The following SPAG16 variants were observed in gnomAD, a reference collection of about 807,000 sequenced individuals.
SPAG16 encodes the protein sperm associated antigen 16.
SPAG16 carries 86 observed loss-of-function variants against 80.4 expected under a neutral mutation model. The ratio of observed to expected loss-of-function variants is 1.07; its 90% CI spans 0.90 to 1.28. The LOEUF is 1.28. Ranked by LOEUF, SPAG16 falls within the 50% of genes most tolerant of loss-of-function variation. SPAG16 has a pLI of 0.00. For missense variants in SPAG16, 870 were observed against 765.3 expected, an observed-to-expected ratio of 1.14 and a Z score of -1.61; for synonymous variants, 294 against 265.9, an observed-to-expected ratio of 1.11 and a Z score of -1.03.
At chr2:214,378,058 GAC>G (rs1000074555) in intron 15 of SPAG16, among the ~76,000 whole-genome samples, 15 of 152,124 alleles carry the variant, frequency 9.9e-5, no homozygotes, top group African/African-American at 3.6e-4. Context: ...GGGTAGGAGT[GAC>G]ACAGGGCCGT....
intron 10 of SPAG16, among the ~76,000 whole-genome samples, chr2:213,700,447 T>C (rs1180862203): frequency 6.6e-6 from 1 of 152,204 alleles, no homozygotes; most frequent in African/African-American, 2.4e-5. Flanking sequence ...TTTTTTGCTG[T>C]AATGATGAAT....
chr2:213,639,613 T>C (rs888587019), intron 10 of SPAG16, among the ~76,000 whole-genome samples: 1 of 152,232 alleles, frequency 6.6e-6, no homozygotes, highest in Non-Finnish European at 1.5e-5. Flanking sequence ...AAATCTGCTG[T>C]AAATCTGATA....
chr2:213,701,616 G>T (rs1047442804), intron 10 of SPAG16, among the ~76,000 whole-genome samples: 1 of 152,180 alleles, frequency 6.6e-6, no homozygotes, highest in East Asian at 1.9e-4. Context: ...GTGCAGGTGC[G>T]TGGCGCGGGA....
At chr2:213,894,154 A>G (rs1039800680) in intron 11 of SPAG16, among the ~76,000 whole-genome samples, 2 of 152,212 alleles carry the variant, frequency 1.3e-5, no homozygotes, top group African/African-American at 4.8e-5. Context: ...AAAAGTGCCC[A>G]CTGTATAATA....
intron 15 of SPAG16, among the ~76,000 whole-genome samples, chr2:214,254,525 C>G (rs944175039): frequency 6.6e-6 from 1 of 152,002 alleles, no homozygotes; most frequent in Non-Finnish European, 1.5e-5. Context: ...GGCTGTATAT[C>G]TTAAAACAAT....
chr2:213,968,364 C>G (rs1448146592), intron 12 of SPAG16, among the ~76,000 whole-genome samples: 3 of 152,044 alleles, frequency 2.0e-5, no homozygotes, highest in Non-Finnish European at 4.4e-5. Flanking sequence ...GCCACCACAC[C>G]TGTATTTTTA....
chr2:213,314,775 A>G (rs1488618388), intron 4 of SPAG16, among the ~76,000 whole-genome samples: 1 of 151,804 alleles, frequency 6.6e-6, no homozygotes, highest in African/African-American at 2.4e-5. Context: ...AAGGTGCTGA[A>G]AACCAATTTT....
intron 10 of SPAG16, among the ~76,000 whole-genome samples, chr2:213,606,886 A>G (rs1262377815): frequency 6.6e-6 from 1 of 152,260 alleles, no homozygotes; most frequent in Non-Finnish European, 1.5e-5. Context: ...AATGGCGAAT[A>G]ATCTACAGAA....
At chr2:214,302,640 C>T (rs1177569027) in intron 15 of SPAG16, among the ~76,000 whole-genome samples, 1 of 152,042 alleles carries the variant, frequency 6.6e-6, no homozygotes, top group Non-Finnish European at 1.5e-5. Context: ...ACCACCGCAC[C>T]CGGCTAATTT....
At chr2:214,083,863 C>A (rs1446534104) in intron 13 of SPAG16, among the ~76,000 whole-genome samples, 2 of 152,060 alleles carry the variant, frequency 1.3e-5, no homozygotes, top group Non-Finnish European at 2.9e-5. Context: ...CTTGGATCCA[C>A]TGTAATTCTT....
At chr2:213,861,507 C>A (rs2075461086) in intron 10 of SPAG16, among the ~76,000 whole-genome samples, 1 of 152,212 alleles carries the variant, frequency 6.6e-6, no homozygotes, top group Non-Finnish European at 1.5e-5. Context: ...TGTCTTACCG[C>A]ACCACATTGG....
At chr2:213,365,404 C>T (rs781486402) in intron 8 of SPAG16, 3 of 151,986 alleles carry the variant, frequency 2.0e-5, no homozygotes, top group Non-Finnish European at 4.4e-5. Context: ...TGAGAACAAG[C>T]ATACATTCCA....
intron 15 of SPAG16, among the ~76,000 whole-genome samples, chr2:214,187,950 G>A (rs1360346424): frequency 2.0e-5 from 3 of 152,032 alleles, no homozygotes; most frequent in South Asian, 2.1e-4. Flanking sequence ...AGCGATTTTT[G>A]TATTGGATGG....
chr2:214,043,935 G>A (rs2049172872), intron 13 of SPAG16, among the ~76,000 whole-genome samples: 1 of 151,820 alleles, frequency 6.6e-6, no homozygotes, highest in African/African-American at 2.4e-5. Context: ...TATTATTATT[G>A]TAGTAAATCA....
At chr2:213,770,869 G>A (rs911776289) in intron 10 of SPAG16, among the ~76,000 whole-genome samples, 1 of 152,088 alleles carries the variant, frequency 6.6e-6, no homozygotes, top group African/African-American at 2.4e-5. Flanking sequence ...TATCATTGAT[G>A]GGCATTTGGT....
intron 8 of SPAG16, among the ~76,000 whole-genome samples, chr2:213,367,739 C>T (rs1200316024): frequency 2.7e-5 from 4 of 149,640 alleles, no homozygotes; most frequent in South Asian, 2.2e-4. Flanking sequence ...CTGTAGGTTG[C>T]CTGTTCACTC....
At chr2:213,962,044 A>C (rs1347106134) in intron 12 of SPAG16, among the ~76,000 whole-genome samples, 2 of 152,078 alleles carry the variant, frequency 1.3e-5, no homozygotes, top group South Asian at 4.1e-4. Flanking sequence ...TTAAATTACT[A>C]ATTGTTATGG....
chr2:213,515,631 G>T (rs1034293839), intron 10 of SPAG16, among the ~76,000 whole-genome samples: 1 of 152,090 alleles, frequency 6.6e-6, no homozygotes, highest in Non-Finnish European at 1.5e-5. Context: ...GGAAAAATAT[G>T]ACAGAAAAAG....
intron 12 of SPAG16, among the ~76,000 whole-genome samples, chr2:214,013,351 A>G (rs558500619): frequency 6.6e-6 from 1 of 152,168 alleles, no homozygotes; most frequent in South Asian, 2.1e-4. Flanking sequence ...AACTTTCAAA[A>G]GCGTTTCTTC....
Sources: gnomAD v4.1 joint callset for allele counts (sites outside exome capture counted in the v4.1 genomes callset) on GRCh38, gnomAD v4.1.1 for gene constraint, MANE v1.5 for transcripts, NCBI Gene and HGNC (gene_info 2026-07-23, HGNC 2026-07-21) for gene names.